The following FHIT variants were observed in gnomAD, a reference collection of about 807,000 sequenced individuals.
FHIT encodes the protein fragile histidine triad diadenosine triphosphatase.
Under a neutral mutation model 17.9 loss-of-function variants are expected in FHIT, and 19 were observed. The observed-to-expected ratio is 1.06, with a 90% CI of 0.74 to 1.56. The LOEUF (loss-of-function observed/expected upper bound fraction) is 1.56, where lower values mean the gene tolerates loss of function less well. Ranked by LOEUF, FHIT falls within the 40% of genes most tolerant of loss-of-function variation. The pLI, the probability that FHIT is intolerant of heterozygous loss-of-function variation, is 0.00. For missense variants in FHIT, 248 were observed against 189.2 expected (o/e 1.31, Z -1.82); for synonymous variants, 81 against 69.7 (o/e 1.16, Z -0.81).
intron 5 of FHIT, among the ~76,000 whole-genome samples, chr3:60,223,949 C>G (rs901691923): frequency 6.6e-6 from 1 of 152,080 alleles, no homozygotes; most frequent in African/African-American, 2.4e-5. Context: ...AATTCTTGGT[C>G]GTGGTGCTTG....
chr3:60,548,786 A>G (rs116444420), intron 4 of FHIT, among the ~76,000 whole-genome samples: 59 of 152,334 alleles, frequency 3.9e-4, no homozygotes, highest in African/African-American at 1.4e-3. Flanking sequence ...TCAGAGCACT[A>G]GTTTTAAAAC....
chr3:60,375,462 C>G (rs1700513998), intron 5 of FHIT, among the ~76,000 whole-genome samples: 1 of 151,660 alleles, frequency 6.6e-6, no homozygotes, highest in Admixed American at 6.6e-5. Flanking sequence ...GTAACCCCAG[C>G]TATTCAGGAG....
chr3:60,532,446 T>C (rs2035820582), intron 5 of FHIT, among the ~76,000 whole-genome samples: 3 of 152,208 alleles, frequency 2.0e-5, no homozygotes, highest in Admixed American at 2.0e-4. Context: ...TTAGCCATAA[T>C]GGTTCAAATT....
intron 5 of FHIT, among the ~76,000 whole-genome samples, chr3:60,095,821 A>C (rs1336482655): frequency 1.3e-5 from 2 of 152,234 alleles, no homozygotes; most frequent in African/African-American, 4.8e-5. Context: ...TTTAAAAGAC[A>C]GTAAACTGAA....
At chr3:59,817,080 C>T (rs1471852218) in intron 8 of FHIT, among the ~76,000 whole-genome samples, 1 of 152,176 alleles carries the variant, frequency 6.6e-6, no homozygotes, top group African/African-American at 2.4e-5. Context: ...TCTCCGCAGA[C>T]CCCAGCGTCT....
chr3:60,281,677 C>T (rs1175325490), intron 5 of FHIT, among the ~76,000 whole-genome samples: 1 of 148,302 alleles, frequency 6.7e-6, no homozygotes, highest in East Asian at 2.0e-4. Context: ...AAAATAAACT[C>T]AAAACGCATC....
chr3:60,195,822 C>G (rs1702615834), intron 5 of FHIT, among the ~76,000 whole-genome samples: 1 of 126,978 alleles, frequency 7.9e-6, no homozygotes, highest in Non-Finnish European at 1.6e-5. Context: ...AGGAGCTAAG[C>G]TATGGATATG....
chr3:60,555,989 T>C (rs560303676), intron 4 of FHIT, among the ~76,000 whole-genome samples: 4 of 152,378 alleles, frequency 2.6e-5, no homozygotes, highest in African/African-American at 9.6e-5. Context: ...ATACTGGCTA[T>C]TGCCTTCCTT....
intron 5 of FHIT, among the ~76,000 whole-genome samples, chr3:60,016,368 C>A (rs1230738213): frequency 6.6e-6 from 1 of 152,148 alleles, no homozygotes; most frequent in East Asian, 1.9e-4. Flanking sequence ...AGATTTCTCA[C>A]AGTAGATGAA....
At chr3:60,888,841 G>C (rs756686386) in intron 3 of FHIT, among the ~76,000 whole-genome samples, 4 of 152,166 alleles carry the variant, frequency 2.6e-5, no homozygotes, top group East Asian at 1.9e-4. Flanking sequence ...AATATAGACA[G>C]ATCTTTTGTA....
At chr3:60,489,532 C>T (rs939787794) in intron 5 of FHIT, among the ~76,000 whole-genome samples, 3 of 152,152 alleles carry the variant, frequency 2.0e-5, no homozygotes, top group African/African-American at 7.2e-5. Flanking sequence ...ATAGCATTGA[C>T]CCTGCATACA....
At chr3:60,651,078 T>C (rs192032749) in intron 4 of FHIT, among the ~76,000 whole-genome samples, 1 of 152,316 alleles carries the variant, frequency 6.6e-6, no homozygotes, top group East Asian at 1.9e-4. Context: ...AATGTATGAA[T>C]AATATTCCAT....
At chr3:61,102,422 T>C (rs1261760499) in intron 2 of FHIT, among the ~76,000 whole-genome samples, 1 of 152,228 alleles carries the variant, frequency 6.6e-6, no homozygotes, top group Non-Finnish European at 1.5e-5. Context: ...TCATGGTGGA[T>C]AGGCTTTTTG....
chr3:60,161,233 G>T (rs57793339), intron 5 of FHIT, among the ~76,000 whole-genome samples: 1 of 152,176 alleles, frequency 6.6e-6, no homozygotes, highest in Non-Finnish European at 1.5e-5. Flanking sequence ...CAACTGCGTT[G>T]TCCCTATGGC....
intron 8 of FHIT, among the ~76,000 whole-genome samples, chr3:59,865,305 T>C (rs779414871): frequency 9.2e-5 from 14 of 152,368 alleles, no homozygotes; most frequent in Admixed American, 2.0e-4. Context: ...AAAATGTTAA[T>C]AGTATTTAAA....
At chr3:60,131,069 A>ATACACATG (rs1559661647) in intron 5 of FHIT, among the ~76,000 whole-genome samples, 7 of 48,504 alleles carry the variant, frequency 1.4e-4, no homozygotes, top group South Asian at 8.8e-4. Context: ...ATACACATGT[A>ATACACATG]TGTATGTATA....
At chr3:59,777,308 C>T (rs1034643489) in intron 8 of FHIT, among the ~76,000 whole-genome samples, 2 of 152,024 alleles carry the variant, frequency 1.3e-5, no homozygotes, top group Admixed American at 6.6e-5. Flanking sequence ...TCCAACCATG[C>T]GTGTTTAATG....
chr3:59,803,185 A>G (rs1700067208), intron 8 of FHIT, among the ~76,000 whole-genome samples: 1 of 152,176 alleles, frequency 6.6e-6, no homozygotes, highest in South Asian at 2.1e-4. Context: ...CACTCACTCA[A>G]TTAAAAGCTC....
chr3:61,126,291 T>C (rs1185893394), intron 2 of FHIT, among the ~76,000 whole-genome samples: 1 of 152,188 alleles, frequency 6.6e-6, no homozygotes, highest in African/African-American at 2.4e-5. Context: ...GGGTCTTCTT[T>C]GTAGTTGAGA....
Sources: allele counts gnomAD v4.1 joint callset (sites outside exome capture counted in the v4.1 genomes callset), GRCh38; gene constraint gnomAD v4.1.1; transcripts MANE v1.5; gene names NCBI Gene and HGNC (gene_info 2026-07-23, HGNC 2026-07-21).